Variants in GALNT17 observed in about 807,000 individuals in gnomAD.
GALNT17 encodes UDP-GalNAc:polypeptide N-acetylgalactosaminyltransferase-like 3.
A neutral mutation model predicts 63.7 loss-of-function variants in GALNT17; 29 were observed. The ratio of observed to expected loss-of-function variants is 0.46; its 90% confidence interval spans 0.34 to 0.62. The LOEUF is 0.62. Among genes scored for constraint, GALNT17 ranks in the 20% least tolerant of loss-of-function variants. The pLI is 0.01. For synonymous variants in GALNT17, 305 were observed against 318.3 expected, an observed-to-expected ratio of 0.96 and a Z score of 0.45; for missense variants, 603 against 799.6, an observed-to-expected ratio of 0.75 and a Z score of 2.97.
chr7:71,187,433 C>T (rs1788871631), intron 1 of GALNT17, among the ~76,000 whole-genome samples: 1 of 152,106 alleles, frequency 6.6e-6, no homozygotes, highest in Non-Finnish European at 1.5e-5. Flanking sequence ...GACTGAGAAA[C>T]TTGAGAGGAA....
intron 5 of GALNT17, among the ~76,000 whole-genome samples, chr7:71,424,456 C>T (rs1786722061): frequency 6.6e-6 from 1 of 152,182 alleles, no homozygotes; most frequent in Non-Finnish European, 1.5e-5. Flanking sequence ...TAATGATTGT[C>T]TCTGGGTGTG....
At chr7:71,599,091 G>A (rs1584080381) in intron 6 of GALNT17, among the ~76,000 whole-genome samples, 1 of 152,050 alleles carries the variant, frequency 6.6e-6, no homozygotes, top group East Asian at 1.9e-4. Flanking sequence ...TGAGAGTGGT[G>A]AGGTTGGAAA....
intron 1 of GALNT17, among the ~76,000 whole-genome samples, chr7:71,316,979 A>T (rs1226756983): frequency 2.0e-5 from 3 of 152,154 alleles, no homozygotes; most frequent in Non-Finnish European, 4.4e-5. Context: ...GGTGGAGGAT[A>T]ACTGGGGCAT....
chr7:71,431,117 CTA>C (rs1786854062), intron 5 of GALNT17, among the ~76,000 whole-genome samples: 1 of 151,530 alleles, frequency 6.6e-6, no homozygotes, highest in South Asian at 2.1e-4. Context: ...CCACAGTGTT[CTA>C]TGTGTCAGGT....
chr7:71,605,693 T>A (rs1455489125), intron 6 of GALNT17, among the ~76,000 whole-genome samples: 1 of 152,108 alleles, frequency 6.6e-6, no homozygotes, highest in East Asian at 1.9e-4. Flanking sequence ...AAAACTGATG[T>A]GCCCAGGATA....
chr7:71,664,968 A>G (rs1790961941), intron 6 of GALNT17, among the ~76,000 whole-genome samples: 1 of 151,864 alleles, frequency 6.6e-6, no homozygotes, highest in Admixed American at 6.6e-5. Flanking sequence ...TCTCATTGGC[A>G]TTATTTATTT....
At position 71,461,856 on chromosome 7, in the gene GALNT17, G is replaced by T. The variant is rs113437218; in HGVS notation, c.962+40751G>T. 3.7e-3 allele frequency among the ~76,000 whole-genome samples: 564 copies of T among 152,278 alleles called. 2 individuals carry two copies. Among genetic ancestry groups the T allele is most frequent in the African/African-American group, 0.013 (537 of 41,560 alleles). ...CTCTCGGCCACAGATGTCTCGACAG[G>T]TCCGAGTTACTTATGTAATTGCTAT... On this transcript the variant is annotated intron_variant, in intron 5 of 10. Transcript: ENST00000333538.
chr7:71,143,552 G>A (rs1000646961), intron 1 of GALNT17, among the ~76,000 whole-genome samples: 1 of 152,124 alleles, frequency 6.6e-6, no homozygotes, highest in Non-Finnish European at 1.5e-5. Flanking sequence ...AGGTGTGGGA[G>A]CTCCTTGGTG....
At chr7:71,166,055 G>A (rs918824177) in intron 1 of GALNT17, among the ~76,000 whole-genome samples, 1 of 149,994 alleles carries the variant, frequency 6.7e-6, no homozygotes, top group African/African-American at 2.5e-5. Flanking sequence ...GGTGCTTCCT[G>A]CATGTCCTTC....
chr7:71,679,463 T>G (rs930484879), intron 9 of GALNT17, among the ~76,000 whole-genome samples: 1 of 152,154 alleles, frequency 6.6e-6, no homozygotes, highest in African/African-American at 2.4e-5. Flanking sequence ...CTTGATTACC[T>G]ATTCTAAAAT....
At chr7:71,285,457 C>T (rs1399848768) in intron 1 of GALNT17, among the ~76,000 whole-genome samples, 4 of 152,144 alleles carry the variant, frequency 2.6e-5, no homozygotes, top group Non-Finnish European at 5.9e-5. Context: ...ATGTGAGCTG[C>T]AAGATTATCA....
intron 1 of GALNT17, among the ~76,000 whole-genome samples, chr7:71,304,134 T>C (rs1791249137): frequency 6.6e-6 from 1 of 152,312 alleles, no homozygotes; most frequent in Non-Finnish European, 1.5e-5. Flanking sequence ...GTTTCTGCAA[T>C]TAGGGGAACC....
chr7:71,226,978 G>T (rs1374923973), intron 1 of GALNT17, among the ~76,000 whole-genome samples: 2 of 151,836 alleles, frequency 1.3e-5, no homozygotes, highest in Non-Finnish European at 2.9e-5. Flanking sequence ...TGGAACAAAG[G>T]GAGCTGGGCA....
intron 1 of GALNT17, among the ~76,000 whole-genome samples, chr7:71,156,943 A>G (rs1057003995): frequency 4.6e-5 from 7 of 150,942 alleles, no homozygotes; most frequent in Admixed American, 1.3e-4. Flanking sequence ...TATTTTATTT[A>G]TGTATTTATT....
chr7:71,494,876 T>G (rs1294499867), intron 5 of GALNT17, among the ~76,000 whole-genome samples: 1 of 152,150 alleles, frequency 6.6e-6, no homozygotes, highest in South Asian at 2.1e-4. Flanking sequence ...GAACTCCCGT[T>G]TATACAACCA....
Position 71,265,325 on chromosome 7 carries a change from C to T in GALNT17, c.239-70225C>T, listed in dbSNP as rs557580770. 4.0e-4 allele frequency among the ~76,000 whole-genome samples: 60 copies of T among 151,240 alleles called. 1 individual carries two copies. Among genetic ancestry groups the T allele is most frequent in the Admixed American group, 2.9e-3 (44 of 15,124 alleles). Reference sequence around the variant, plus strand: ...TATTTTTAGTAGAGACAGGGTTTCACCATATCGGCCAGGCTGCTCTCGAAC... The same window carrying T: ...TATTTTTAGTAGAGACAGGGTTTCATCATATCGGCCAGGCTGCTCTCGAAC... On this transcript the variant is annotated intron_variant, in intron 1 of 10. Coordinates refer to ENST00000333538, the MANE Select transcript of GALNT17 (RefSeq NM_022479.3).
intron 6 of GALNT17, among the ~76,000 whole-genome samples, chr7:71,617,773 G>T (rs1790236301): frequency 6.6e-6 from 1 of 152,000 alleles, no homozygotes; most frequent in Admixed American, 6.6e-5. Flanking sequence ...CTCCCGAATA[G>T]GTGGGACTAC....
chr7:71,595,702 CA>C (rs1196335699), intron 6 of GALNT17, among the ~76,000 whole-genome samples: 3 of 136,710 alleles, frequency 2.2e-5, no homozygotes, highest in African/African-American at 8.2e-5. Flanking sequence ...CACACACACA[CA>C]CCATATTGCC....
At chr7:71,706,691 C>A (rs1448488763) in intron 9 of GALNT17, among the ~76,000 whole-genome samples, 1 of 152,162 alleles carries the variant, frequency 6.6e-6, no homozygotes, top group Non-Finnish European at 1.5e-5. Context: ...CACACGTTAA[C>A]CACATCTCTC....
Sources: gnomAD v4.1 joint callset for allele counts (sites outside exome capture counted in the v4.1 genomes callset) on GRCh38, gnomAD v4.1.1 for gene constraint, MANE v1.5 for transcripts, NCBI Gene and HGNC (gene_info 2026-07-23, HGNC 2026-07-21) for gene names.